Variants in ZNF670 observed in about 807,000 individuals in gnomAD.
ZNF670 encodes zinc finger protein 670.
In ZNF670, 7 loss-of-function variants were observed where a neutral mutation model predicts 10.9. The observed-to-expected ratio is 0.64, with a 90% CI of 0.36 to 1.20. The LOEUF (loss-of-function observed/expected upper bound fraction) is 1.20. Among genes scored for constraint, ZNF670 ranks in the 50% most tolerant of loss-of-function variants. The pLI is 0.02. For missense variants in ZNF670, 446 were observed against 458.6 expected, an observed-to-expected ratio of 0.97 and a Z score of 0.25; for synonymous variants, 136 against 152.7, an observed-to-expected ratio of 0.89 and a Z score of 0.81.
At chr1:247,039,711 T>A (rs898230931) in intron 1 of ZNF670, among the ~76,000 whole-genome samples, 174 bp from the exon 2 acceptor site, 37 of 152,204 alleles carry the variant, frequency 2.4e-4, no homozygotes, top group Admixed American at 6.5e-5. Flanking sequence ...CTCAACATTC[T>A]TCATGCTAAA....
At chr1:247,074,975 C>A (rs1469361676) in intron 1 of ZNF670, among the ~76,000 whole-genome samples, 1 of 152,152 alleles carries the variant, frequency 6.6e-6, no homozygotes, top group Non-Finnish European at 1.5e-5. Flanking sequence ...CAGGCCCAAC[C>A]ACATCCACCT....
chr1:247,063,433 AT>A (rs1304724361), intron 1 of ZNF670, among the ~76,000 whole-genome samples: 1 of 151,886 alleles, frequency 6.6e-6, no homozygotes, highest in Non-Finnish European at 1.5e-5. Context: ...AATACAAAAA[AT>A]TAGCCAGGTG....
intron 1 of ZNF670, among the ~76,000 whole-genome samples, chr1:247,040,533 A>T (rs926786733): frequency 4.6e-5 from 7 of 152,190 alleles, no homozygotes; most frequent in Non-Finnish European, 8.8e-5. Context: ...ATGTCTAAGA[A>T]TTGTCAAAGT....
intron 1 of ZNF670, among the ~76,000 whole-genome samples, chr1:247,071,916 G>C (rs970348765): frequency 4.0e-5 from 6 of 149,418 alleles, no homozygotes; most frequent in African/African-American, 1.5e-4. Flanking sequence ...GGAGTGCAGT[G>C]GTGCAATCTC....
chr1:247,068,828 CCAA>C (rs1671050745), intron 1 of ZNF670, among the ~76,000 whole-genome samples: 1 of 62,328 alleles, frequency 1.6e-5, no homozygotes. Context: ...TACTATTTTG[CCAA>C]AAAAAAAAAA....
chr1:247,046,006 A>G (rs1490526702), intron 1 of ZNF670, among the ~76,000 whole-genome samples: 1 of 152,138 alleles, frequency 6.6e-6, no homozygotes, highest in East Asian at 1.9e-4. Context: ...TTAATTTAGG[A>G]GTAATAACTT....
At chr1:247,045,128 T>C (rs1473883145) in intron 1 of ZNF670, among the ~76,000 whole-genome samples, 1 of 152,046 alleles carries the variant, frequency 6.6e-6, no homozygotes, top group African/African-American at 2.4e-5. Flanking sequence ...GAGAAAACCA[T>C]AAGAATCCTC....
chr1:247,054,658 C>G (rs756323343), intron 1 of ZNF670, among the ~76,000 whole-genome samples: 2 of 152,316 alleles, frequency 1.3e-5, no homozygotes, highest in Middle Eastern at 3.4e-3. Context: ...AATTGATATA[C>G]AGGCAGTAAG....
chr1:247,070,111 T>C (rs1671080717), intron 1 of ZNF670, among the ~76,000 whole-genome samples: 1 of 151,712 alleles, frequency 6.6e-6, no homozygotes, highest in Non-Finnish European at 1.5e-5. Flanking sequence ...ACCCCATAAA[T>C]ATACATACTT....
At chr1:247,040,394 T>A (rs1670276042) in intron 1 of ZNF670, among the ~76,000 whole-genome samples, 1 of 152,214 alleles carries the variant, frequency 6.6e-6, no homozygotes. Context: ...ATAGTACGTG[T>A]GCTTAGAAGA....
At chr1:247,072,796 A>T in intron 1 of ZNF670, among the ~76,000 whole-genome samples, 1 of 51,066 alleles carries the variant, frequency 2.0e-5, no homozygotes, top group Non-Finnish European at 3.4e-5. Context: ...TCAAAAAAAA[A>T]AGTGTGTGTA....
chr1:247,061,852 G>A (rs1169224516), intron 1 of ZNF670, among the ~76,000 whole-genome samples: 1 of 152,156 alleles, frequency 6.6e-6, no homozygotes, highest in Non-Finnish European at 1.5e-5. Context: ...ACCACAATGT[G>A]CCAATATTAG....
intron 1 of ZNF670, among the ~76,000 whole-genome samples, chr1:247,060,948 T>C (rs1444920766): frequency 6.6e-6 from 1 of 152,166 alleles, no homozygotes; most frequent in East Asian, 1.9e-4. Flanking sequence ...ACATTTCCTT[T>C]ACAGTATTTC....
intron 1 of ZNF670, among the ~76,000 whole-genome samples, chr1:247,052,539 G>T (rs899588434): frequency 1.3e-5 from 2 of 151,308 alleles, no homozygotes; most frequent in African/African-American, 2.4e-5. Flanking sequence ...TAGTTTTTTG[G>T]GTTTTTTTTT....
chr1:247,050,140 T>C (rs1463020428), intron 1 of ZNF670, among the ~76,000 whole-genome samples: 1 of 152,230 alleles, frequency 6.6e-6, no homozygotes, highest in Admixed American at 6.5e-5. Context: ...CCCACTGTTA[T>C]TGTGTTGCCA....
chr1:247,066,070 G>A lies in ZNF670; in HGVS notation c.3+12524C>T, dbSNP rs149510031. ...AGTACTCTGTGTGCAACAAACTGAG[G>A]CAAGAAATCACAAAAAAAGAGGAGA... On this transcript the variant is annotated intron_variant, in intron 1 of 3. Transcript: ENST00000366503. 4.3e-4 allele frequency among the ~76,000 whole-genome samples: 65 copies of A among 152,274 alleles called. 1 individual carries two copies. In the East Asian group the frequency reaches 8.3e-3, roughly 19 times the overall value.
chr1:247,058,452 C>T (rs1389661454), intron 1 of ZNF670, among the ~76,000 whole-genome samples: 1 of 152,066 alleles, frequency 6.6e-6, no homozygotes, highest in African/African-American at 2.4e-5. Flanking sequence ...TTCAACCTTC[C>T]ATTTTAAGAA....
At chr1:247,058,880 G>A (rs1390278828) in intron 1 of ZNF670, among the ~76,000 whole-genome samples, 1 of 152,080 alleles carries the variant, frequency 6.6e-6, no homozygotes, top group Non-Finnish European at 1.5e-5. Flanking sequence ...GATCAATAAA[G>A]TAATAACTGT....
At chr1:247,058,618 A>C (rs1413932737) in intron 1 of ZNF670, among the ~76,000 whole-genome samples, 1 of 151,688 alleles carries the variant, frequency 6.6e-6, no homozygotes, top group Non-Finnish European at 1.5e-5. Flanking sequence ...ATAAACCTAT[A>C]GCCAGACCAA....
Sources: allele counts gnomAD v4.1 joint callset (sites outside exome capture counted in the v4.1 genomes callset), GRCh38; gene constraint gnomAD v4.1.1; transcripts MANE v1.5; gene names NCBI Gene and HGNC (gene_info 2026-07-23, HGNC 2026-07-21).